Variants in GRM7 observed in about 807,000 individuals in gnomAD.
GRM7 encodes the protein metabotropic glutamate receptor 7.
In GRM7, 35 loss-of-function variants were observed where a neutral mutation model predicts 84.5. The observed-to-expected ratio is 0.41, with a 90% CI of 0.32 to 0.55. The LOEUF (loss-of-function observed/expected upper bound fraction) is 0.55, where lower values mean the gene tolerates loss of function less well. Among genes scored for constraint, GRM7 ranks in the 20% least tolerant of loss-of-function variants. The probability of loss-of-function intolerance (pLI) is 0.19; values close to 1 mark genes in which losing one functional copy is unlikely to be tolerated. For synonymous variants in GRM7, 487 were observed against 455.1 expected, an observed-to-expected ratio of 1.07 and a Z score of -0.89; for missense variants, 1,003 against 1,194.6, an observed-to-expected ratio of 0.84 and a Z score of 2.36.
chr3:7,468,319 C>G (rs549173871), intron 7 of GRM7, among the ~76,000 whole-genome samples: 1 of 152,086 alleles, frequency 6.6e-6, no homozygotes, highest in Non-Finnish European at 1.5e-5. Flanking sequence ...ATTATCAGCT[C>G]TTTTCTTGTA....
At chr3:7,632,097 G>C (rs1018904996) in intron 8 of GRM7, among the ~76,000 whole-genome samples, 4 of 152,206 alleles carry the variant, frequency 2.6e-5, no homozygotes, top group Non-Finnish European at 5.9e-5. Context: ...ATCCACTCAG[G>C]ACAGTAATGC....
intron 1 of GRM7, among the ~76,000 whole-genome samples, chr3:7,073,721 C>T (rs1017044341): frequency 2.6e-5 from 4 of 152,074 alleles, no homozygotes; most frequent in Non-Finnish European, 5.9e-5. Context: ...TTTATAGAGA[C>T]CTGACTATGT....
At chr3:7,560,102 G>T (rs1248271919) in intron 7 of GRM7, among the ~76,000 whole-genome samples, 3 of 152,008 alleles carry the variant, frequency 2.0e-5, no homozygotes, top group Admixed American at 1.3e-4. Context: ...CTACTATCAG[G>T]CTTTACCCTT....
In GRM7 at chr3:7,323,190, A is replaced by G. The variant is rs981853270; in HGVS notation, c.1033+16538A>G. The stretch of plus-strand genomic sequence containing the variant: ...CTGTCTCTAGGAATGAGTTATAAAT[A>G]ACTTTGGAGTCAGCTCCTGTTCAGC... On this transcript the variant is annotated intron_variant, in intron 4 of 9. Transcript: ENST00000357716. 1.1e-4 allele frequency among the ~76,000 whole-genome samples: 16 copies of G among 152,278 alleles called. 4 individuals carry two copies. Among genetic ancestry groups the G allele is most frequent in the Admixed American group, 2.6e-4 (4 of 15,270 alleles).
intron 1 of GRM7, among the ~76,000 whole-genome samples, chr3:6,954,513 C>G (rs1319660395): frequency 6.6e-6 from 1 of 152,082 alleles, no homozygotes; most frequent in Non-Finnish European, 1.5e-5. Flanking sequence ...TAACTGAATC[C>G]CCTTATAAGT....
At chr3:6,991,498 A>G (rs1017849488) in intron 1 of GRM7, among the ~76,000 whole-genome samples, 1 of 152,234 alleles carries the variant, frequency 6.6e-6, no homozygotes, top group African/African-American at 2.4e-5. Flanking sequence ...AGGAGAGAAG[A>G]CAAAAAATCA....
At chr3:7,082,387 A>C (rs931455985) in intron 1 of GRM7, among the ~76,000 whole-genome samples, 1 of 152,086 alleles carries the variant, frequency 6.6e-6, no homozygotes, top group African/African-American at 2.4e-5. Flanking sequence ...TAAGTCCACT[A>C]TTGAGAGCTA....
At chr3:7,478,439 A>G (rs1263819385) in intron 7 of GRM7, among the ~76,000 whole-genome samples, 3 of 152,212 alleles carry the variant, frequency 2.0e-5, no homozygotes, top group Admixed American at 6.5e-5. Flanking sequence ...AGACGACTGG[A>G]ACATTTTGCA....
chr3:7,008,761 C>T (rs1406173629), intron 1 of GRM7, among the ~76,000 whole-genome samples: 1 of 152,274 alleles, frequency 6.6e-6, no homozygotes, highest in East Asian at 1.9e-4. Context: ...ATAATCTCCT[C>T]TGTGGTTTTA....
At chr3:7,129,135 A>G (rs1007437438) in intron 1 of GRM7, among the ~76,000 whole-genome samples, 2 of 152,166 alleles carry the variant, frequency 1.3e-5, no homozygotes, top group African/African-American at 4.8e-5. Context: ...CAGAAGCACT[A>G]TTTGGGGTCA....
At chr3:7,319,105 C>A (rs1022748409) in intron 4 of GRM7, among the ~76,000 whole-genome samples, 1 of 151,850 alleles carries the variant, frequency 6.6e-6, no homozygotes, top group African/African-American at 2.4e-5. Flanking sequence ...AGATACTGTG[C>A]GTGTTTTAAA....
intron 2 of GRM7, among the ~76,000 whole-genome samples, chr3:7,237,401 C>A (rs1697384296): frequency 6.6e-6 from 1 of 152,094 alleles, no homozygotes; most frequent in Non-Finnish European, 1.5e-5. Context: ...TAACACCAAA[C>A]CCCATGTCTT....
chr3:7,713,114 A>ATTTTTTTTTTTTTTTTT lies in GRM7; in HGVS notation c.2699-27239_2699-27238insTTTTTTTTTTTTTTTTT, dbSNP rs1165234212. Among the ~76,000 whole-genome samples, 3 of 129,854 alleles carry ATTTTTTTTTTTTTTTTT rather than the reference A, an allele frequency of 2.3e-5. 1 individual carries two copies. Among genetic ancestry groups the ATTTTTTTTTTTTTTTTT allele is most frequent in the African/African-American group, 9.4e-5 (3 of 32,064 alleles). 85.2% of individuals were successfully genotyped at this position (129,854 alleles called of 152,430 possible). On this transcript the variant is annotated intron_variant, in intron 9 of 9. Transcript: ENST00000357716. ...ATATTCACAGATAGAGAGGATTCGA[A>ATTTTTTTTTTTTTTTTT]TTTTGTTTTGTTTTTTTTTTTTTTT...
At chr3:7,182,484 A>C (rs941094375) in intron 2 of GRM7, among the ~76,000 whole-genome samples, 1 of 152,096 alleles carries the variant, frequency 6.6e-6, no homozygotes, top group African/African-American at 2.4e-5. Context: ...CCTTTCTCTC[A>C]ATAATAAAGG....
At chr3:7,182,905 T>G (rs1045887512) in intron 2 of GRM7, among the ~76,000 whole-genome samples, 4 of 151,532 alleles carry the variant, frequency 2.6e-5, no homozygotes, top group African/African-American at 9.7e-5. Flanking sequence ...TGTTTTTTTT[T>G]TTTTTTTTTT....
chr3:7,400,292 A>G (rs558542310), intron 4 of GRM7, among the ~76,000 whole-genome samples: 80 of 152,272 alleles, frequency 5.3e-4, no homozygotes, highest in African/African-American at 1.9e-3. Flanking sequence ...TTCTATAGCA[A>G]TGTCACTCAA....
intron 8 of GRM7, among the ~76,000 whole-genome samples, chr3:7,591,283 G>A (rs1470093748): frequency 6.6e-6 from 1 of 152,082 alleles, no homozygotes; most frequent in Non-Finnish European, 1.5e-5. Context: ...GTTATTTATT[G>A]AAATTGATTA....
chr3:7,587,488 A>G (rs945913997), intron 8 of GRM7, among the ~76,000 whole-genome samples: 36 of 152,170 alleles, frequency 2.4e-4, no homozygotes, highest in African/African-American at 7.7e-4. Context: ...AGAGGCTGTA[A>G]TATAAATTAG....
At chr3:7,124,978 G>A (rs1473471465) in intron 1 of GRM7, among the ~76,000 whole-genome samples, 4 of 152,068 alleles carry the variant, frequency 2.6e-5, no homozygotes, top group African/African-American at 7.2e-5. Flanking sequence ...TCACTCTGTC[G>A]CCCAGGCTGG....
Sources: allele counts gnomAD v4.1 joint callset (sites outside exome capture counted in the v4.1 genomes callset), GRCh38; gene constraint gnomAD v4.1.1; transcripts MANE v1.5; gene names NCBI Gene and HGNC (gene_info 2026-07-23, HGNC 2026-07-21).